The following FOXN2 variants were observed in gnomAD, a reference collection of about 807,000 sequenced individuals.
FOXN2 encodes the protein forkhead box protein N2.
In FOXN2, 19 loss-of-function variants were observed where a neutral mutation model predicts 41.2. The ratio of observed to expected loss-of-function variants is 0.46; its 90% confidence interval spans 0.32 to 0.68. The LOEUF is 0.68. FOXN2 is among the 30% of genes least tolerant of loss of function. FOXN2 has a pLI of 0.03. For synonymous variants in FOXN2, 195 were observed against 176.8 expected (o/e 1.10, Z -0.82); for missense variants, 587 against 509.4 (o/e 1.15, Z -1.47).
At chr2:48,335,717 A>G (rs564851666) in intron 2 of FOXN2, among the ~76,000 whole-genome samples, 16 of 152,332 alleles carry the variant, frequency 1.1e-4, no homozygotes, top group African/African-American at 3.6e-4. Context: ...TAATAATAGC[A>G]TCTTATGAAG....
intron 2 of FOXN2, among the ~76,000 whole-genome samples, chr2:48,336,229 C>T (rs1007252165): frequency 1.3e-5 from 2 of 151,136 alleles, no homozygotes; most frequent in Non-Finnish European, 1.5e-5. Context: ...CATGGTGAAA[C>T]CCAGTGTCTA....
At chr2:48,356,399 C>T (rs1671798559) in intron 3 of FOXN2, among the ~76,000 whole-genome samples, 1 of 152,114 alleles carries the variant, frequency 6.6e-6, no homozygotes, top group Non-Finnish European at 1.5e-5. Flanking sequence ...CGAGATCGCG[C>T]CACTGCACTC....
At position 48,347,935 on chromosome 2, in the gene FOXN2, C is replaced by A. The variant is rs146534412; in HGVS notation, c.537+1184C>A. The stretch of plus-strand genomic sequence containing the variant: ...GGTGAGAAGTCTGCTGTCATTATTC[C>A]TCTTTATGTAATGTCTCTTTTTTTA... On this transcript the variant is annotated intron_variant, in intron 3 of 6. Coordinates refer to ENST00000340553, the MANE Select transcript of FOXN2 (RefSeq NM_002158.4). Among the ~76,000 whole-genome samples, 551 of 152,046 alleles carry A rather than the reference C, an allele frequency of 3.6e-3. 4 individuals are homozygous for A. Among genetic ancestry groups the A allele is most frequent in the African/African-American group, 0.013 (523 of 41,444 alleles).
At chr2:48,364,969 T>A (rs1672439703) in intron 5 of FOXN2, among the ~76,000 whole-genome samples, 1 of 152,222 alleles carries the variant, frequency 6.6e-6, no homozygotes, top group Non-Finnish European at 1.5e-5. Flanking sequence ...AACTTTAATT[T>A]TAAAAGATAA....
At position 48,377,465 on chromosome 2, in the gene FOXN2, G is replaced by A. The variant is rs1673322067; in HGVS notation, c.*2022G>A. 6.6e-6 allele frequency: 1 copy of A among 152,120 alleles called. No homozygotes were observed. Among genetic ancestry groups the A allele is most frequent in the South Asian group, 2.1e-4 (1 of 4,818 alleles). 9.4% of individuals were successfully genotyped at this position (152,120 alleles called of 1,614,324 possible). A position where few individuals can be genotyped will look rare whatever the true frequency, so the allele number is the denominator to read the frequency against. On this transcript the variant is annotated 3_prime_UTR_variant, in exon 7 of 7. Transcript: ENST00000340553. ...TCTGCTGAAATTCTGTATCACAAAT[G>A]TGCTACCTGGTTTTTGTCCATTAGA...
chr2:48,369,684 T>C (rs1672760994), intron 5 of FOXN2, among the ~76,000 whole-genome samples: 1 of 151,972 alleles, frequency 6.6e-6, no homozygotes, highest in South Asian at 2.1e-4. Context: ...CCTTCCTCTT[T>C]TATAAAATTA....
intron 1 of FOXN2, among the ~76,000 whole-genome samples, chr2:48,317,391 G>C (rs553671079): frequency 2.0e-5 from 3 of 151,856 alleles, no homozygotes; most frequent in African/African-American, 4.8e-5. Context: ...GAAGGTTGTA[G>C]TGAGTTGAGA....
intron 6 of FOXN2, 37 bp from the exon 7 acceptor site, chr2:48,374,883 A>G (rs750952447): frequency 2.1e-5 from 32 of 1,539,100 alleles, no homozygotes; most frequent in Non-Finnish European, 2.7e-5. Context: ...GCAACCAAAC[A>G]CATTTGACCT....
At position 48,335,192 on chromosome 2, in the gene FOXN2, A is replaced by G. The variant is rs367612032; in HGVS notation, c.-15+6490A>G. ...TTTGGAATTATCAGATGTAAAATAG[A>G]AAACAAATACGTTTAATATGTTCAG... On this transcript the variant is annotated intron_variant, in intron 2 of 6. Coordinates refer to ENST00000340553, the MANE Select transcript of FOXN2 (RefSeq NM_002158.4). 5.4e-4 allele frequency among the ~76,000 whole-genome samples: 82 copies of G among 152,360 alleles called. 2 individuals are homozygous for G. Among genetic ancestry groups the G allele is most frequent in the African/African-American group, 1.9e-3 (80 of 41,578 alleles).
At chr2:48,330,679 G>C (rs1355762411) in intron 2 of FOXN2, among the ~76,000 whole-genome samples, 1 of 151,466 alleles carries the variant, frequency 6.6e-6, no homozygotes, top group Non-Finnish European at 1.5e-5. Flanking sequence ...GTTCTTGGTG[G>C]GTGGTAAAAT....
rs142687118 is a variant in FOXN2, at chr2:48,342,503, T to G, written c.-14-3698T>G. Among the ~76,000 whole-genome samples, 130 of 152,236 alleles carry G rather than the reference T, an allele frequency of 8.5e-4. 3 individuals are homozygous for G. The East Asian group carries it at 0.019, about 22-fold the overall frequency. On this transcript the variant is annotated intron_variant, in intron 2 of 6. Coordinates refer to ENST00000340553, the MANE Select transcript of FOXN2 (RefSeq NM_002158.4). ...ATAATTCGTGATACACATTTCCATT[T>G]AGCTTTCCGAAATGGCCCTAGGTCC...
chr2:48,330,043 T>G (rs1389411037), intron 2 of FOXN2, among the ~76,000 whole-genome samples: 1 of 151,982 alleles, frequency 6.6e-6, no homozygotes, highest in Non-Finnish European at 1.5e-5. Context: ...GAACCAACCT[T>G]AATTACCAAG....
At chr2:48,339,979 G>A (rs377469691) in intron 2 of FOXN2, among the ~76,000 whole-genome samples, 100 of 152,180 alleles carry the variant, frequency 6.6e-4, no homozygotes, top group African/African-American at 2.2e-3. Flanking sequence ...AATTCGATGG[G>A]GGAAAAAACA....
chr2:48,331,053 A>T (rs1342121571), intron 2 of FOXN2, among the ~76,000 whole-genome samples: 2 of 152,154 alleles, frequency 1.3e-5, no homozygotes, highest in Admixed American at 1.3e-4. Flanking sequence ...TTTTCACTCC[A>T]TGTAGTAAAG....
At position 48,378,307 on chromosome 2, in the gene FOXN2, A is replaced by G. The variant is rs191701719; in HGVS notation, c.*2864A>G. The G allele has an allele frequency of 1.3e-5, 2 of 152,412 alleles. No homozygotes were observed. The highest frequency in any genetic ancestry group is 6.6e-5 in the Admixed American group (1 of 15,248). The allele number at this position is 152,412 out of a possible 1,614,324, so 9.4% of individuals were successfully genotyped here. ...GATCACCTCCCTTTTTCCACCTTCA[A>G]GCCTTTCCTGTCCTCATAGCCAGCA... On this transcript the variant is annotated 3_prime_UTR_variant, in exon 7 of 7. Coordinates refer to ENST00000340553, the MANE Select transcript of FOXN2 (RefSeq NM_002158.4).
At chr2:48,348,352 T>A (rs1671245049) in intron 3 of FOXN2, among the ~76,000 whole-genome samples, 1 of 152,224 alleles carries the variant, frequency 6.6e-6, no homozygotes, top group African/African-American at 2.4e-5. Context: ...CTTCATGTTT[T>A]TAATTTCTAA....
At chr2:48,357,738 G>GT (rs1391808991) in intron 3 of FOXN2, among the ~76,000 whole-genome samples, 1 of 151,604 alleles carries the variant, frequency 6.6e-6, no homozygotes, top group Non-Finnish European at 1.5e-5. Context: ...ACCTGGCCTG[G>GT]TGCTAACATT....
intron 1 of FOXN2, among the ~76,000 whole-genome samples, chr2:48,326,189 A>G (rs1383421930): frequency 6.6e-6 from 1 of 152,180 alleles, no homozygotes; most frequent in Admixed American, 6.5e-5. Flanking sequence ...GTGAATAATA[A>G]ATAGCAGTTA....
At chr2:48,327,111 T>C (rs528846279) in intron 1 of FOXN2, among the ~76,000 whole-genome samples, 1 of 152,066 alleles carries the variant, frequency 6.6e-6, no homozygotes, top group Non-Finnish European at 1.5e-5. Context: ...TCCTGAACTT[T>C]ACGTCACGTA....
Sources: allele counts gnomAD v4.1 joint callset (sites outside exome capture counted in the v4.1 genomes callset), GRCh38; gene constraint gnomAD v4.1.1; transcripts MANE v1.5; gene names NCBI Gene and HGNC (gene_info 2026-07-23, HGNC 2026-07-21).